Variants in NELL2 observed in about 807,000 individuals in gnomAD.
NELL2 encodes protein kinase C-binding protein NELL2.
In NELL2, 41 loss-of-function variants were observed where a neutral mutation model predicts 109.6. The observed-to-expected ratio is 0.37, with a 90% CI of 0.29 to 0.49. The LOEUF (loss-of-function observed/expected upper bound fraction) is 0.49, where lower values mean the gene tolerates loss of function less well. NELL2 is among the 20% of genes least tolerant of loss of function. The probability of loss-of-function intolerance (pLI) is 0.98; values close to 1 mark genes in which losing one functional copy is unlikely to be tolerated. For missense variants in NELL2, 900 were observed against 1,008.3 expected (o/e 0.89, Z 1.45); for synonymous variants, 355 against 344.7 (o/e 1.03, Z -0.33).
intron 2 of NELL2, among the ~76,000 whole-genome samples, chr12:44,870,939 A>G (rs1370350806): frequency 6.6e-6 from 1 of 152,306 alleles, no homozygotes; most frequent in South Asian, 2.1e-4. Flanking sequence ...ATATATTTCC[A>G]TAATGATAAA....
intron 9 of NELL2, among the ~76,000 whole-genome samples, chr12:44,756,132 C>T (rs1940879412): frequency 6.6e-6 from 1 of 152,152 alleles, no homozygotes; most frequent in Admixed American, 6.5e-5. Context: ...ATCAAATACA[C>T]ATTTAGCTGC....
intron 9 of NELL2, among the ~76,000 whole-genome samples, chr12:44,765,233 A>C (rs1941282112): frequency 6.6e-6 from 1 of 152,232 alleles, no homozygotes; most frequent in African/African-American, 2.4e-5. Flanking sequence ...CTATTGTGCT[A>C]TATGGACTTC....
At chr12:44,628,994 T>A (rs969131147) in intron 13 of NELL2, among the ~76,000 whole-genome samples, 11 of 152,228 alleles carry the variant, frequency 7.2e-5, no homozygotes, top group African/African-American at 1.7e-4. Context: ...GTAGAATAAC[T>A]GTATAATATC....
intron 2 of NELL2, among the ~76,000 whole-genome samples, chr12:44,863,116 C>T (rs929078362): frequency 1.3e-5 from 2 of 151,996 alleles, no homozygotes; most frequent in African/African-American, 4.8e-5. Context: ...CACGACAGGC[C>T]CCAGTGTGTG....
intron 3 of NELL2, among the ~76,000 whole-genome samples, chr12:44,791,183 C>CATATATATATATAT (rs748283455): frequency 4.6e-4 from 7 of 15,098 alleles, no homozygotes; most frequent in Admixed American, 1.1e-3. Context: ...AGTATTCCAT[C>CATATATATATATAT]ATATATATAT....
At chr12:44,752,057 T>G (rs1940676567) in intron 9 of NELL2, among the ~76,000 whole-genome samples, 1 of 152,202 alleles carries the variant, frequency 6.6e-6, no homozygotes, top group Non-Finnish European at 1.5e-5. Flanking sequence ...ATGCAGCCCG[T>G]GGGCCACAGG....
intron 9 of NELL2, among the ~76,000 whole-genome samples, chr12:44,745,385 T>C (rs955308588): frequency 1.3e-5 from 2 of 152,132 alleles, no homozygotes; most frequent in African/African-American, 2.4e-5. Context: ...CTTTGAAAAC[T>C]GGCACAAGAC....
At chr12:44,790,716 A>T (rs1393159789) in intron 3 of NELL2, among the ~76,000 whole-genome samples, 1 of 152,034 alleles carries the variant, frequency 6.6e-6, no homozygotes, top group African/African-American at 2.4e-5. Context: ...AGAGATACAG[A>T]ACCGTAGAAT....
chr12:44,526,797 T>C lies in NELL2; in HGVS notation c.1805-3313A>G, dbSNP rs113979196. Among the ~76,000 whole-genome samples, 1,061 of 152,300 alleles carry C rather than the reference T, an allele frequency of 7.0e-3. 22 individuals are homozygous for C. Among genetic ancestry groups the C allele is most frequent in the African/African-American group, 0.024 (1,009 of 41,568 alleles). On this transcript the variant is annotated intron_variant, in intron 16 of 19. Coordinates refer to ENST00000429094, the MANE Select transcript of NELL2 (RefSeq NM_001145108.2). ...AGTGTTCAGTCTAGGACTGGCTGAA[T>C]TGCACTTCCTCTGGGCTTCCACCAG...
chr12:44,737,752 T>C (rs1939725874), intron 9 of NELL2, among the ~76,000 whole-genome samples: 1 of 152,118 alleles, frequency 6.6e-6, no homozygotes, highest in East Asian at 1.9e-4. Context: ...TGTCATTTAA[T>C]TATTAAACTA....
At chr12:44,778,461 T>C (rs560223691) in intron 5 of NELL2, among the ~76,000 whole-genome samples, 64 of 152,270 alleles carry the variant, frequency 4.2e-4, no homozygotes, top group Admixed American at 2.5e-3. Context: ...ACTGTACAAC[T>C]CTAATGGATA....
intron 13 of NELL2, among the ~76,000 whole-genome samples, chr12:44,627,896 T>C (rs1384108487): frequency 6.6e-6 from 1 of 152,230 alleles, no homozygotes; most frequent in Non-Finnish European, 1.5e-5. Context: ...AATAAGTGGT[T>C]CCTGGTTATT....
upstream of NELL2, among the ~76,000 whole-genome samples, chr12:44,877,759 A>T (rs1341042200): frequency 6.6e-6 from 1 of 151,814 alleles, no homozygotes; most frequent in African/African-American, 2.4e-5. Flanking sequence ...TTAATTTTTA[A>T]TTCTCTCTTA....
intron 1 of NELL2, among the ~76,000 whole-genome samples, chr12:44,897,474 A>G (rs1945606031): frequency 6.6e-6 from 1 of 152,064 alleles, no homozygotes. Context: ...GAGGGCAAGC[A>G]GAAGCAAAGT....
rs149969534 is a variant in NELL2 at position 44,758,985 on chromosome 12, C to T, written c.994+15762G>A. On this transcript the variant is annotated intron_variant, in intron 9 of 19. Coordinates refer to ENST00000429094, the MANE Select transcript of NELL2 (RefSeq NM_001145108.2). ...TGGCCTCAGACATGGTGACTGACCACTGGTTTCACCAAGTTCTTGATATTA... is the reference window on the plus strand; with the variant it reads ...TGGCCTCAGACATGGTGACTGACCATTGGTTTCACCAAGTTCTTGATATTA... Among the ~76,000 whole-genome samples the T allele has an allele frequency of 7.9e-5, 12 of 152,296 alleles. 1 individual carries two copies. The highest frequency in any genetic ancestry group is 2.9e-4 in the African/African-American group (12 of 41,560).
chr12:44,667,345 A>C (rs1947957265), intron 12 of NELL2, among the ~76,000 whole-genome samples: 1 of 152,222 alleles, frequency 6.6e-6, no homozygotes, highest in African/African-American at 2.4e-5. Flanking sequence ...AATCTTCTCC[A>C]TGATGAGTGT....
At chr12:44,701,153 A>T (rs1949216039) in intron 12 of NELL2, among the ~76,000 whole-genome samples, 1 of 152,118 alleles carries the variant, frequency 6.6e-6, no homozygotes, top group South Asian at 2.1e-4. Flanking sequence ...CAAAGTTAGC[A>T]ACCATGCCAT....
intron 15 of NELL2, among the ~76,000 whole-genome samples, chr12:44,567,609 T>A (rs1370010502): frequency 6.6e-6 from 1 of 152,060 alleles, no homozygotes; most frequent in African/African-American, 2.4e-5. Flanking sequence ...AGCCTAGAAA[T>A]ATGGAGGAAA....
At chr12:44,697,312 C>A (rs567216848) in intron 12 of NELL2, among the ~76,000 whole-genome samples, 2 of 152,228 alleles carry the variant, frequency 1.3e-5, no homozygotes, top group South Asian at 4.1e-4. Context: ...CAGGAACCAG[C>A]CCTGACCAGG....
Sources: allele counts gnomAD v4.1 joint callset (sites outside exome capture counted in the v4.1 genomes callset), GRCh38; gene constraint gnomAD v4.1.1; transcripts MANE v1.5; gene names NCBI Gene and HGNC (gene_info 2026-07-23, HGNC 2026-07-21).